Variants in UNC5A observed in about 807,000 individuals in gnomAD.
UNC5A encodes the protein netrin receptor UNC5A.
Under a neutral mutation model 87.4 loss-of-function variants are expected in UNC5A, and 20 were observed. The observed-to-expected ratio is 0.23, with a 90% CI of 0.16 to 0.33. UNC5A has a LOEUF of 0.33. UNC5A is among the 10% of genes least tolerant of loss of function. The probability of loss-of-function intolerance (pLI) is 1.00; values close to 1 mark genes in which losing one functional copy is unlikely to be tolerated. For missense variants in UNC5A, 844 were observed against 1,133.4 expected (o/e 0.74, Z 3.67); for synonymous variants, 438 against 482.3 (o/e 0.91, Z 1.20).
chr5:176,857,539 A>G (rs1757698321), intron 1 of UNC5A, among the ~76,000 whole-genome samples: 2 of 152,044 alleles, frequency 1.3e-5, no homozygotes, highest in South Asian at 2.1e-4. Flanking sequence ...ACATGCGCAC[A>G]CACACACACG....
chr5:176,846,665 C>G (rs879347920), intron 1 of UNC5A, among the ~76,000 whole-genome samples: 1 of 152,174 alleles, frequency 6.6e-6, no homozygotes, highest in African/African-American at 2.4e-5. Context: ...CCAGTATCTG[C>G]CTCCCACAAG....
rs537430642 is a variant in UNC5A at position 176,825,419 on chromosome 5, A to G, written c.70+14599A>G. 8.7e-4 allele frequency among the ~76,000 whole-genome samples: 133 copies of G among 152,274 alleles called. No individual in the cohort carries two copies. In the Middle Eastern group the frequency reaches 0.017, roughly 19 times the overall value. On this transcript the variant is annotated intron_variant, in intron 1 of 14. Transcript: ENST00000329542. ...GAGGCCTGGAGGACACGCTGGGAGG[A>G]GGCAGGGAGAGCGGCCGGAGGACGC...
In UNC5A at chr5:176,865,574, T is replaced by C. The variant is rs1253263828; in HGVS notation, c.293-2556T>C. 1.3e-5 allele frequency: 6 copies of C among 456,800 alleles called. No individual in the cohort carries two copies. The highest frequency in any genetic ancestry group is 4.6e-5 in the South Asian group (3 of 64,572). 28.3% of individuals were successfully genotyped at this position (456,800 alleles called of 1,614,324 possible). On this transcript the variant is annotated intron_variant, in intron 2 of 14. Transcript: ENST00000329542. The surrounding 1 kb of genome is among the most constrained non-coding windows in gnomAD (Gnocchi z 5.3). ...CATGGCCGGAACATCTGAACGTTCA[T>C]TGATCTCATCGATTTCTCAACCCAA... is the stretch of plus-strand genomic sequence containing the variant.
rs1409872502 is a variant in UNC5A, at chr5:176,874,577, C to T, written c.1378+11C>T. 6.6e-7 allele frequency: 1 copy of T among 1,513,470 alleles called. No homozygotes were observed. The highest frequency in any genetic ancestry group is 8.9e-7 in the Non-Finnish European group (1 of 1,127,986). 93.8% of individuals were successfully genotyped at this position (1,513,470 alleles called of 1,614,324 possible). A position where few individuals can be genotyped will look rare whatever the true frequency, so the allele number is the denominator to read the frequency against. ...TGATCCCTAATACAGGTAGGAAGGA[C>T]CCCAGGGGGCTCTGAGAGCTCCACT... On this transcript the variant is annotated intron_variant, in intron 8 of 14. Coordinates refer to ENST00000329542, the MANE Select transcript of UNC5A (RefSeq NM_133369.3). This position sits in a 1 kb window ranked among gnomAD's most constrained non-coding sequence, Gnocchi z 7.6.
chr5:176,877,787 T>A, intron 10 of UNC5A, 84 bp downstream of exon 10: 3 of 1,516,748 alleles, frequency 2.0e-6, no homozygotes, highest in Middle Eastern at 2.2e-4. Flanking sequence ...TGGGTGGTCC[T>A]GAGCCGCACC....
At chr5:176,854,196 C>A (rs1253155107) in intron 1 of UNC5A, among the ~76,000 whole-genome samples, 1 of 152,120 alleles carries the variant, frequency 6.6e-6, no homozygotes, top group Non-Finnish European at 1.5e-5. Context: ...CCACCCAGAT[C>A]TGTAGTCTCC....
intron 9 of UNC5A, 119 bp downstream of exon 9, chr5:176,877,398 A>T: frequency 7.5e-7 from 1 of 1,333,974 alleles, no homozygotes; most frequent in Non-Finnish European, 1.0e-6. Flanking sequence ...GGAAAGAGCT[A>T]TGCCTAAGCC....
In UNC5A at chr5:176,874,163, G is replaced by T. The variant is rs768286964; in HGVS notation, c.1075+7G>T. On this transcript the variant is annotated splice_region_variant and intron_variant, in intron 7 of 14. Coordinates refer to ENST00000329542, the MANE Select transcript of UNC5A (RefSeq NM_133369.3). The surrounding 1 kb of genome is among the most constrained non-coding windows in gnomAD (Gnocchi z 7.6). ...ATCAAGCCCAGCAAAGCAGGTGAGGGGCCCCGTGCCCCCAGCACTCCTGCC... is the reference window on the plus strand; with the variant it reads ...ATCAAGCCCAGCAAAGCAGGTGAGGTGCCCCGTGCCCCCAGCACTCCTGCC... The T allele has an allele frequency of 1.2e-6, 2 of 1,612,222 alleles. No individual in the cohort carries two copies. Among genetic ancestry groups the T allele is most frequent in the African/African-American group, 2.7e-5 (2 of 74,880 alleles).
intron 1 of UNC5A, among the ~76,000 whole-genome samples, chr5:176,828,046 T>G (rs1002611259): frequency 2.0e-5 from 3 of 152,014 alleles, no homozygotes; most frequent in African/African-American, 7.3e-5. Context: ...GGACCCTGTT[T>G]CCCTCTGCAA....
At chr5:176,843,956 C>A (rs1375279000) in intron 1 of UNC5A, among the ~76,000 whole-genome samples, 1 of 152,254 alleles carries the variant, frequency 6.6e-6, no homozygotes. Context: ...CTCAGCGACA[C>A]GTTAGCAAGA....
chr5:176,852,819 T>G (rs1406152117), intron 1 of UNC5A, among the ~76,000 whole-genome samples: 2 of 152,252 alleles, frequency 1.3e-5, no homozygotes, highest in Non-Finnish European at 2.9e-5. Flanking sequence ...CACTCTGCGT[T>G]TGCGACATCT....
chr5:176,867,461 T>C (rs576225106), intron 2 of UNC5A, among the ~76,000 whole-genome samples: 140 of 152,206 alleles, frequency 9.2e-4, no homozygotes, highest in Non-Finnish European at 1.5e-3. Context: ...CCCTAGTGCA[T>C]AGGCGCCCCA....
In UNC5A at chr5:176,874,196, C is replaced by T; in HGVS notation, c.1075+40C>T. On this transcript the variant is annotated intron_variant, in intron 7 of 14. Transcript: ENST00000329542. The surrounding 1 kb of genome is among the most constrained non-coding windows in gnomAD (Gnocchi z 7.6). Reference sequence around the variant, plus strand: ...GCCCCCAGCACTCCTGCCCCAGCTCCCACGCCAAGGGCTGCTGGGGCAGGG... The same window carrying T: ...GCCCCCAGCACTCCTGCCCCAGCTCTCACGCCAAGGGCTGCTGGGGCAGGG... The T allele has an allele frequency of 3.1e-6, 5 of 1,603,868 alleles. No individual in the cohort carries two copies. Among genetic ancestry groups the T allele is most frequent in the Non-Finnish European group, 4.3e-6 (5 of 1,172,908 alleles).
chr5:176,872,178 C>A (rs1198296921), intron 6 of UNC5A, among the ~76,000 whole-genome samples: 2 of 94,784 alleles, frequency 2.1e-5, no homozygotes, highest in Non-Finnish European at 2.2e-5. Context: ...CCCACACTCG[C>A]CCCACACCAC....
chr5:176,873,583 TG>T (rs34445557), intron 6 of UNC5A, among the ~76,000 whole-genome samples: 2 of 152,140 alleles, frequency 1.3e-5, no homozygotes, highest in Non-Finnish European at 2.9e-5. Flanking sequence ...CCCTGTGCTC[TG>T]GGGATCCCAG....
At chr5:176,846,390 A>T (rs1284086815) in intron 1 of UNC5A, among the ~76,000 whole-genome samples, 1 of 152,094 alleles carries the variant, frequency 6.6e-6, no homozygotes, top group Non-Finnish European at 1.5e-5. Context: ...GGAGGGGGAA[A>T]GAGAAAAGGG....
intron 1 of UNC5A, among the ~76,000 whole-genome samples, chr5:176,851,219 G>A (rs1227666851): frequency 1.3e-5 from 2 of 152,236 alleles, no homozygotes. Context: ...TTAGTTCCTT[G>A]CCTCTTAGAA....
rs1022575673 is a variant in UNC5A at position 176,833,895 on chromosome 5, G to A, written c.70+23075G>A. Among the ~76,000 whole-genome samples the A allele has an allele frequency of 4.6e-5, 7 of 152,030 alleles. No individual in the cohort carries two copies. In the East Asian group the frequency reaches 7.7e-4, roughly 17 times the overall value. ...AGCTCATTTTTGTATTAGTAGAGAC[G>A]GGGTTTCACCATGTTAGCCAGGATG... On this transcript the variant is annotated intron_variant, in intron 1 of 14. Coordinates refer to ENST00000329542, the MANE Select transcript of UNC5A (RefSeq NM_133369.3).
chr5:176,841,364 G>T lies in UNC5A; in HGVS notation c.71-21260G>T, dbSNP rs1167139457. Among the ~76,000 whole-genome samples, 1 of 152,198 alleles carries T rather than the reference G, an allele frequency of 6.6e-6. No homozygotes were observed. Reference sequence around the variant, plus strand: ...GATCAGAGCTGTGCCCACCACCCCAGAGCTGCACCCAGGGCTGAGCCTAGA... The same window carrying T: ...GATCAGAGCTGTGCCCACCACCCCATAGCTGCACCCAGGGCTGAGCCTAGA... On this transcript the variant is annotated intron_variant, in intron 1 of 14. Transcript: ENST00000329542. This position sits in a 1 kb window ranked among gnomAD's most constrained non-coding sequence, Gnocchi z 4.1.
Sources: gnomAD v4.1 joint callset for allele counts (sites outside exome capture counted in the v4.1 genomes callset) on GRCh38, gnomAD v4.1.1 for gene constraint, Gnocchi (gnomAD v3.1) non-coding constraint, MANE v1.5 for transcripts, NCBI Gene and HGNC (gene_info 2026-07-23, HGNC 2026-07-21) for gene names.